RNF114: variants seen among roughly 807,000 people sequenced by gnomAD.
The protein encoded by RNF114 is E3 ubiquitin-protein ligase RNF114.
In RNF114, 6 loss-of-function variants were observed where a neutral mutation model predicts 28.4. That is an observed-to-expected ratio of 0.21 (90% confidence interval 0.12 to 0.42). RNF114 has a LOEUF of 0.42. Ranked by LOEUF, RNF114 falls within the 10% of genes least tolerant of loss-of-function variation. RNF114 has a pLI of 1.00. For missense variants in RNF114, 249 were observed against 311.7 expected, an observed-to-expected ratio of 0.80 and a Z score of 1.51; for synonymous variants, 115 against 116.7, an observed-to-expected ratio of 0.99 and a Z score of 0.09.
chr20:49,945,285 G>A, intron 2 of RNF114, 97 bp from the exon 3 acceptor site: 4 of 706,292 alleles, frequency 5.7e-6, no homozygotes, highest in African/African-American at 1.8e-5. Flanking sequence ...TGCCAGGGTG[G>A]TGTAGGTCTA....
chr20:49,936,982 A>G (rs897734593), intron 1 of RNF114, among the ~76,000 whole-genome samples: 4 of 151,862 alleles, frequency 2.6e-5, no homozygotes, highest in African/African-American at 9.7e-5. Flanking sequence ...ACTGTGCACT[A>G]AAGTCGGGAG....
intron 2 of RNF114, among the ~76,000 whole-genome samples, chr20:49,943,648 C>CT (rs2090316090): frequency 1.1e-5 from 1 of 93,056 alleles, no homozygotes; most frequent in Non-Finnish European, 2.2e-5. Flanking sequence ...TCCCTACTGT[C>CT]TTCTTTTTTT....
Position 49,953,815 on chromosome 20 carries a change from C to T in RNF114, c.*1674C>T, listed in dbSNP as rs1441297424. 3 of 151,684 alleles carry T rather than the reference C, an allele frequency of 2.0e-5. No individual in the cohort carries two copies. Among genetic ancestry groups the T allele is most frequent in the African/African-American group, 7.3e-5 (3 of 41,288 alleles). 9.4% of individuals were successfully genotyped at this position (151,684 alleles called of 1,614,324 possible). A position where few individuals can be genotyped will look rare whatever the true frequency, so the allele number is the denominator to read the frequency against. ...TTGTATTTCTAATAAGATGACTTTC[C>T]AGAAAGTGAGATTTGTTATGTTCTG... is the stretch of plus-strand genomic sequence containing the variant. On this transcript the variant is annotated 3_prime_UTR_variant, in exon 6 of 6. Transcript: ENST00000244061.
At chr20:49,946,068 T>G in intron 3 of RNF114, 68 bp from the exon 4 acceptor site, 2 of 760,770 alleles carry the variant, frequency 2.6e-6, no homozygotes, top group Non-Finnish European at 4.4e-6. Flanking sequence ...TGGAGTGTAC[T>G]GTGGTTGAAG....
At chr20:49,951,518 C>G (rs2281217) in intron 5 of RNF114, among the ~76,000 whole-genome samples, 65,746 of 151,914 alleles carry the variant, frequency 0.43, 15,959 homozygotes, top group East Asian at 0.79. Flanking sequence ...TCTGTGCCAG[C>G]CTCCATTCGT....
chr20:49,949,781 A>T (rs1211756504), intron 5 of RNF114, among the ~76,000 whole-genome samples: 1 of 152,058 alleles, frequency 6.6e-6, no homozygotes, highest in African/African-American at 2.4e-5. Flanking sequence ...AGTAGCTGGG[A>T]CTACAGGCGC....
rs1205127640 is a variant in RNF114 at position 49,952,342 on chromosome 20, C to A, written c.*201C>A. The A allele has an allele frequency of 1.7e-6, 1 of 578,686 alleles. No homozygotes were observed. Among genetic ancestry groups the A allele is most frequent in the Admixed American group, 2.8e-5 (1 of 36,166 alleles). The allele number at this position is 578,686 out of a possible 1,614,324, so 35.8% of individuals were successfully genotyped here. A position where few individuals can be genotyped will look rare whatever the true frequency, so the allele number is the denominator to read the frequency against. ...TTTGGGCTCTTGCCAAAGCTGTCTTCCCCTACTGTTAACCTTGTTTGTCAC... is the reference window on the plus strand; with the variant it reads ...TTTGGGCTCTTGCCAAAGCTGTCTTACCCTACTGTTAACCTTGTTTGTCAC... On this transcript the variant is annotated 3_prime_UTR_variant, in exon 6 of 6. Coordinates refer to ENST00000244061, the MANE Select transcript of RNF114 (RefSeq NM_018683.4).
Position 49,941,607 on chromosome 20 carries a change from G to C in RNF114, c.187G>C (p.Val63Leu). The part of the protein sequence containing the change: ...LQECLKPKKP[V>L]CGVCRSALAP... ...GGAATGTCTGAAGCCGAAGAAGCCT[G>C]TCTGTGGGGTGTGTCGCAGCGCTCT... Residue 63 changes from valine (V) to leucine (L), a missense_variant, in exon 2 of 6, where the codon GTC (valine) becomes CTC (leucine). Transcript: ENST00000244061. The C allele has an allele frequency of 3.7e-6, 6 of 1,612,206 alleles. No homozygotes were observed. Among genetic ancestry groups the C allele is most frequent in the Non-Finnish European group, 4.2e-6 (5 of 1,178,790 alleles).
chr20:49,946,187 C>T lies in RNF114; in HGVS notation c.450C>T (p.Asn150=). The change falls in exon 4 of 6, where the codon AAC becomes AAT. Residue 150 remains asparagine, a synonymous_variant. Coordinates refer to ENST00000244061, the MANE Select transcript of RNF114 (RefSeq NM_018683.4). The stretch of plus-strand genomic sequence containing the variant: ...CTTGTCCTTACTGTCCTGAGAAGAA[C>T]TTTGATCAGGAAGGACTTGTGGAAC... ...TFPCPYCPEK[N]FDQEGLVEHC... 6.2e-7 allele frequency: 1 copy of T among 1,612,426 alleles called. No individual in the cohort carries two copies. The highest frequency in any genetic ancestry group is 8.5e-7 in the Non-Finnish European group (1 of 1,179,104).
chr20:49,950,682 C>CAAAA (rs11429510), intron 5 of RNF114, among the ~76,000 whole-genome samples: 1 of 90,528 alleles, frequency 1.1e-5, no homozygotes, highest in Admixed American at 1.2e-4. Context: ...GACCCTGTCT[C>CAAAA]AAAAAAAAAA....
intron 2 of RNF114, among the ~76,000 whole-genome samples, chr20:49,942,849 C>T (rs530871473): frequency 1.4e-4 from 22 of 152,236 alleles, no homozygotes; most frequent in Admixed American, 1.2e-3. Flanking sequence ...GATTTAATTT[C>T]GAAAGCTGCA....
chr20:49,946,422 G>C (rs945959101), intron 4 of RNF114, among the ~76,000 whole-genome samples, 172 bp downstream of exon 4: 1 of 151,980 alleles, frequency 6.6e-6, no homozygotes, highest in Non-Finnish European at 1.5e-5. Flanking sequence ...ATTTTTTGCT[G>C]ACCACTTGGG....
chr20:49,936,448 G>C lies in RNF114; in HGVS notation c.36G>C (p.Ala12=), dbSNP rs944756575. Residue 12 remains alanine, a synonymous_variant, in exon 1 of 6, where the codon GCG becomes GCC. Coordinates refer to ENST00000244061, the MANE Select transcript of RNF114 (RefSeq NM_018683.4). Reference sequence around the variant, plus strand: ...AACAGCGGGACTGCGGGGGTGCTGCGCAGCTGGCGGGGCCGGCGGCGGAGG... The same window carrying C: ...AACAGCGGGACTGCGGGGGTGCTGCCCAGCTGGCGGGGCCGGCGGCGGAGG... ...AAQQRDCGGA[A]QLAGPAAEAD... 6.5e-7 allele frequency: 1 copy of C among 1,547,724 alleles called. No individual in the cohort carries two copies. Among genetic ancestry groups the C allele is most frequent in the Non-Finnish European group, 8.7e-7 (1 of 1,147,804 alleles).
chr20:49,948,502 A>G (rs1411276145), intron 4 of RNF114, among the ~76,000 whole-genome samples: 1 of 151,370 alleles, frequency 6.6e-6, no homozygotes, highest in Non-Finnish European at 1.5e-5. Flanking sequence ...CAGTGGCACA[A>G]TCTTGGCTCA....
rs1386412786 is a variant in RNF114, at chr20:49,936,497, T to C, written c.85T>C (p.Cys29Arg). ...AEADPLGRFT[C>R]PVCLEVYEKP... Reference sequence around the variant, plus strand: ...GGCTGACCCCCTAGGACGCTTCACGTGTCCCGTGTGCTTAGAGGTGTACGA... The same window carrying C: ...GGCTGACCCCCTAGGACGCTTCACGCGTCCCGTGTGCTTAGAGGTGTACGA... The change falls in exon 1 of 6, where the codon TGT becomes CGT. Residue 29 changes from cysteine to arginine, a missense_variant. Transcript: ENST00000244061. 6.4e-7 allele frequency: 1 copy of C among 1,573,684 alleles called. No individual in the cohort carries two copies. The highest frequency in any genetic ancestry group is 2.4e-5 in the East Asian group (1 of 42,008).
At chr20:49,937,680 G>T (rs1270967543) in intron 1 of RNF114, among the ~76,000 whole-genome samples, 2 of 152,134 alleles carry the variant, frequency 1.3e-5, no homozygotes, top group Admixed American at 6.6e-5. Context: ...AATTCGGTTA[G>T]CCTGGAACTC....
At chr20:49,941,516 G>C (rs200227027) in intron 1 of RNF114, 45 bp from the exon 2 acceptor site, 146 of 1,525,786 alleles carry the variant, frequency 9.6e-5, no homozygotes, top group Non-Finnish European at 1.2e-4. Flanking sequence ...TTGTCGTCTT[G>C]TCTCCATGAT....
chr20:49,937,868 G>A (rs1000488441), intron 1 of RNF114, among the ~76,000 whole-genome samples: 4 of 152,112 alleles, frequency 2.6e-5, no homozygotes, highest in African/African-American at 4.8e-5. Flanking sequence ...TATTGCCCCT[G>A]AACTGACTGG....
chr20:49,947,933 A>G (rs946932937), intron 4 of RNF114, among the ~76,000 whole-genome samples: 39 of 151,306 alleles, frequency 2.6e-4, no homozygotes, highest in African/African-American at 9.5e-4. Context: ...CTGGGACTAC[A>G]GGTGCGCGCC....
Sources: allele counts gnomAD v4.1 joint callset (sites outside exome capture counted in the v4.1 genomes callset), GRCh38; gene constraint gnomAD v4.1.1; transcripts MANE v1.5; gene names NCBI Gene and HGNC (gene_info 2026-07-23, HGNC 2026-07-21).